The following CDH22 variants were observed in gnomAD, a reference collection of about 807,000 sequenced individuals.
CDH22 encodes the protein cadherin 22.
CDH22 carries 30 observed loss-of-function variants against 58.4 expected under a neutral mutation model. The observed-to-expected ratio is 0.51, with a 90% confidence interval of 0.38 to 0.70. The LOEUF is 0.70. Ranked by LOEUF, CDH22 falls within the 30% of genes least tolerant of loss-of-function variation. The probability of loss-of-function intolerance (pLI) is 0.00; values close to 1 mark genes in which losing one functional copy is unlikely to be tolerated. For synonymous variants in CDH22, 513 were observed against 558.2 expected, an observed-to-expected ratio of 0.92 and a Z score of 1.14; for missense variants, 1,014 against 1,233.9, an observed-to-expected ratio of 0.82 and a Z score of 2.67.
intron 3 of CDH22, among the ~76,000 whole-genome samples, chr20:46,240,421 G>A (rs1199910784): frequency 1.3e-5 from 2 of 152,134 alleles, no homozygotes; most frequent in Non-Finnish European, 2.9e-5. Context: ...AGTGGTGGGT[G>A]TGCCTGAAGA....
In CDH22 at chr20:46,251,211, C is replaced by T. The variant is rs542615597; in HGVS notation, c.84G>A (p.Pro28=). The stretch of plus-strand genomic sequence containing the variant: ...ACAGGCGCCCCAGCAGCGTCGGCGG[C>T]GGCGGCAGCAGCAGCAGCAGCAGTA... The part of the protein sequence containing the change: ...PALLLLLLLP[P]PPTLLGRLWA... Residue 28 remains proline, a synonymous_variant, in exon 2 of 12, where the codon CCG becomes CCA. Coordinates refer to ENST00000537909, the MANE Select transcript of CDH22 (RefSeq NM_021248.3). The surrounding 1 kb of genome is among the most constrained non-coding windows in gnomAD (Gnocchi z 6.7). 8.9e-6 allele frequency: 13 copies of T among 1,467,296 alleles called. No individual in the cohort carries two copies. Among genetic ancestry groups the T allele is most frequent in the South Asian group, 1.3e-5 (1 of 74,710 alleles). 90.9% of individuals were successfully genotyped at this position (1,467,296 alleles called of 1,614,324 possible).
Position 46,307,384 on chromosome 20 carries a change from G to C in CDH22, c.-400+871C>G, listed in dbSNP as rs992851980. On this transcript the variant is annotated intron_variant, in intron 1 of 11. Transcript: ENST00000537909. ...ACACTGTGCCCACCCAGGGCTGCCC[G>C]GCACCCCGCGCGCCCACGCAGTCCA... Among the ~76,000 whole-genome samples, 6 of 152,352 alleles carry C rather than the reference G, an allele frequency of 3.9e-5. No homozygotes were observed. The East Asian group carries it at 1.2e-3, about 29-fold the overall frequency.
chr20:46,210,142 C>G lies in CDH22; in HGVS notation c.1286+165G>C. ...CTTCCTTGGCTCTTTGGCTCCGTGC[C>G]TGTTTCTCTCCACCCGTGCGCCTCT... On this transcript the variant is annotated intron_variant, in intron 7 of 11. Coordinates refer to ENST00000537909, the MANE Select transcript of CDH22 (RefSeq NM_021248.3). This position sits in a 1 kb window ranked among gnomAD's most constrained non-coding sequence, Gnocchi z 4.5. 1 of 645,032 alleles carries G rather than the reference C, an allele frequency of 1.6e-6. No homozygotes were observed. The highest frequency in any genetic ancestry group is 2.4e-6 in the Non-Finnish European group (1 of 424,912). 40.0% of individuals were successfully genotyped at this position (645,032 alleles called of 1,614,324 possible).
intron 10 of CDH22, among the ~76,000 whole-genome samples, chr20:46,180,429 T>TC (rs1435026293): frequency 4.6e-5 from 7 of 151,842 alleles, no homozygotes; most frequent in African/African-American, 1.4e-4. Context: ...ACTCTAGCTC[T>TC]CCCCCCAAAG....
At chr20:46,265,945 TACAC>T (rs10536307) in intron 1 of CDH22, among the ~76,000 whole-genome samples, 44,383 of 147,938 alleles carry the variant, frequency 0.3, 7,758 homozygotes, top group Middle Eastern at 0.49. Context: ...TTCACACAGA[TACAC>T]ACACACACAC....
chr20:46,200,756 C>T (rs1439876310), intron 7 of CDH22, among the ~76,000 whole-genome samples: 1 of 152,134 alleles, frequency 6.6e-6, no homozygotes, highest in African/African-American at 2.4e-5. Flanking sequence ...GGGGAGAATT[C>T]GGCACCAGAA....
chr20:46,213,932 T>C lies in CDH22; in HGVS notation c.839-744A>G, dbSNP rs6017756. On this transcript the variant is annotated intron_variant, in intron 5 of 11. Coordinates refer to ENST00000537909, the MANE Select transcript of CDH22 (RefSeq NM_021248.3). Reference sequence around the variant, plus strand: ...TCAGTGAAACATATGGTATGTCCAATGGTGATAGGTACTTAGGAGAGAGAT... The same window carrying C: ...TCAGTGAAACATATGGTATGTCCAACGGTGATAGGTACTTAGGAGAGAGAT... Among the ~76,000 whole-genome samples, 993 of 152,194 alleles carry C rather than the reference T, an allele frequency of 6.5e-3. 13 individuals carry two copies. Among genetic ancestry groups the C allele is most frequent in the African/African-American group, 0.022 (924 of 41,516 alleles).
intron 4 of CDH22, among the ~76,000 whole-genome samples, chr20:46,219,262 C>G (rs1004364570): frequency 1.3e-5 from 2 of 152,198 alleles, no homozygotes; most frequent in Admixed American, 6.5e-5. Context: ...CCTTCTCTAC[C>G]ACCACTGGTC....
In CDH22 at chr20:46,301,807, G is replaced by A. The variant is rs186326368; in HGVS notation, c.-400+6448C>T. 3.2e-3 allele frequency among the ~76,000 whole-genome samples: 489 copies of A among 152,132 alleles called. 3 individuals are homozygous for A. The highest frequency in any genetic ancestry group is 0.024 in the Middle Eastern group (7 of 290). On this transcript the variant is annotated intron_variant, in intron 1 of 11. Transcript: ENST00000537909. ...GCTTGGGCAACAAGAGTGAAACTCC[G>A]TCTCAAATATATATATAGTATATAT...
At chr20:46,222,737 C>T (rs2086135862) in intron 4 of CDH22, among the ~76,000 whole-genome samples, 1 of 152,236 alleles carries the variant, frequency 6.6e-6, no homozygotes, top group South Asian at 2.1e-4. Flanking sequence ...CACACAAATG[C>T]CATCCCTGTC....
chr20:46,267,865 G>T (rs545532885), intron 1 of CDH22, among the ~76,000 whole-genome samples: 1 of 152,250 alleles, frequency 6.6e-6, no homozygotes, highest in African/African-American at 2.4e-5. Flanking sequence ...CTTTGCCTGC[G>T]GGAGGTTCAC....
chr20:46,241,208 G>A lies in CDH22; in HGVS notation c.305C>T (p.Ser102Leu). 1.2e-6 allele frequency: 2 copies of A among 1,613,726 alleles called. No homozygotes were observed. The highest frequency in any genetic ancestry group is 1.7e-6 in the Non-Finnish European group (2 of 1,179,728). Residue 102 changes from serine to leucine, a missense_variant, in exon 3 of 12, where the codon TCA becomes TTA. By Grantham distance (145) the Ser-to-Leu change is moderately radical. Transcript: ENST00000537909. The surrounding 1 kb of genome is among the most constrained non-coding windows in gnomAD (Gnocchi z 5.2). ...GAAGATGGTCCCAGCACCCTCGCCT[G>A]AGATGGTGTACTTGATGGCCCCGTC... ...EGDGAIKYTISGEGAGTIFLI... is the reference protein window; with the variant it reads ...EGDGAIKYTILGEGAGTIFLI...
At chr20:46,262,601 A>G (rs1223761651) in intron 1 of CDH22, among the ~76,000 whole-genome samples, 1 of 152,188 alleles carries the variant, frequency 6.6e-6, no homozygotes, top group Non-Finnish European at 1.5e-5. Flanking sequence ...AACTCCACAC[A>G]CAGCCTTTTG....
At chr20:46,277,221 A>T (rs1025494628) in intron 1 of CDH22, among the ~76,000 whole-genome samples, 1 of 152,190 alleles carries the variant, frequency 6.6e-6, no homozygotes, top group Non-Finnish European at 1.5e-5. Flanking sequence ...GGCTGTTAGA[A>T]TGGTCCCTTT....
intron 3 of CDH22, among the ~76,000 whole-genome samples, chr20:46,227,964 C>T (rs1166028121): frequency 6.7e-6 from 1 of 150,066 alleles, no homozygotes; most frequent in African/African-American, 2.5e-5. Context: ...GCTTGGTTCA[C>T]TAGGTTGAGG....
Position 46,251,544 on chromosome 20 carries a change from C to CGA in CDH22, c.-251_-250insTC. The stretch of plus-strand genomic sequence containing the variant: ...GGACAGCCCCCGGGGTGCCCGCCCG[C>CGA]GCCCCCGTCGCCGCGTCGCGTGCGG... On this transcript the variant is annotated 5_prime_UTR_variant, in exon 2 of 12. Coordinates refer to ENST00000537909, the MANE Select transcript of CDH22 (RefSeq NM_021248.3). The surrounding 1 kb of genome is among the most constrained non-coding windows in gnomAD (Gnocchi z 6.7). The CGA allele has an allele frequency of 3.3e-6, 1 of 304,420 alleles. No homozygotes were observed. Among genetic ancestry groups the CGA allele is most frequent in the African/African-American group, 2.2e-5 (1 of 45,466 alleles). The allele number at this position is 304,420 out of a possible 1,614,324, so 18.9% of individuals were successfully genotyped here.
intron 4 of CDH22, among the ~76,000 whole-genome samples, chr20:46,226,248 T>TTCTTCTTCTTCTTCC (rs1332124141): frequency 0.024 from 258 of 10,588 alleles, 5 homozygotes; most frequent in South Asian, 0.077. Context: ...CTTCTTCTTC[T>TTCTTCTTCTTCTTCC]TCTTCTTCTT....
chr20:46,188,391 A>G (rs1170653315), intron 8 of CDH22, among the ~76,000 whole-genome samples: 4 of 152,164 alleles, frequency 2.6e-5, no homozygotes, highest in Admixed American at 2.0e-4. Context: ...AAATCGGTCT[A>G]ATATTGACCC....
At chr20:46,264,851 G>C in intron 1 of CDH22, among the ~76,000 whole-genome samples, 1 of 147,610 alleles carries the variant, frequency 6.8e-6, no homozygotes, top group East Asian at 2.0e-4. Flanking sequence ...CACACACACC[G>C]TGCACACACA....
Sources: allele counts gnomAD v4.1 joint callset (sites outside exome capture counted in the v4.1 genomes callset), GRCh38; gene constraint gnomAD v4.1.1; non-coding constraint Gnocchi (gnomAD v3.1); transcripts MANE v1.5; gene names NCBI Gene and HGNC (gene_info 2026-07-23, HGNC 2026-07-21).